ABTB3: variants seen among roughly 807,000 people sequenced by gnomAD.
The protein encoded by ABTB3 is ankyrin repeat and BTB domain containing 3.
the ABTB3 span, among the ~76,000 whole-genome samples, chr12:107,446,039 AC>A: frequency 3.3e-5 from 5 of 151,372 alleles, no homozygotes; most frequent in Non-Finnish European, 1.5e-5. Context: ...CACATCTGCA[AC>A]CCCCTTTTGC....
At chr12:107,320,089 C>A in the ABTB3 span, 11 of 1,434,878 alleles carry the variant, frequency 7.7e-6, no homozygotes, top group South Asian at 1.6e-5. Context: ...AGTGTCTGCG[C>A]GGGTGCCACT....
At chr12:107,628,069 AG>A in the ABTB3 span, among the ~76,000 whole-genome samples, 1 of 152,038 alleles carries the variant, frequency 6.6e-6, no homozygotes, top group East Asian at 1.9e-4. Flanking sequence ...CCACCTTTCC[AG>A]GTGTGCTCAC....
chr12:107,558,415 T>G, the ABTB3 span, among the ~76,000 whole-genome samples: 102 of 152,134 alleles, frequency 6.7e-4, no homozygotes, highest in African/African-American at 2.4e-3. Flanking sequence ...GCTGTAGGAG[T>G]TGATCGGTGC....
At chr12:107,488,971 T>A in the ABTB3 span, among the ~76,000 whole-genome samples, 1 of 152,078 alleles carries the variant, frequency 6.6e-6, no homozygotes, top group African/African-American at 2.4e-5. Flanking sequence ...TTGATTGAAA[T>A]TTAATTATGA....
chr12:107,586,128 G>A, the ABTB3 span, among the ~76,000 whole-genome samples: 1 of 152,148 alleles, frequency 6.6e-6, no homozygotes, highest in Non-Finnish European at 1.5e-5. Flanking sequence ...GGTGTTCGGA[G>A]AGCTCCTCAG....
chr12:107,480,983 G>C, the ABTB3 span, among the ~76,000 whole-genome samples: 1 of 152,200 alleles, frequency 6.6e-6, no homozygotes, highest in South Asian at 2.1e-4. Flanking sequence ...TAAGAACCAA[G>C]TGTTCTCTGG....
the ABTB3 span, among the ~76,000 whole-genome samples, chr12:107,486,050 G>C: frequency 6.6e-6 from 1 of 152,270 alleles, no homozygotes; most frequent in South Asian, 2.1e-4. Flanking sequence ...TTGGTGCTGT[G>C]GTTTGGATGG....
chr12:107,636,134 C>T, the ABTB3 span, among the ~76,000 whole-genome samples: 1 of 152,106 alleles, frequency 6.6e-6, no homozygotes, highest in Non-Finnish European at 1.5e-5. Context: ...AACTTGAACA[C>T]AGGTGTGCCC....
chr12:107,571,523 T>C, the ABTB3 span, among the ~76,000 whole-genome samples: 2 of 152,238 alleles, frequency 1.3e-5, no homozygotes, highest in African/African-American at 4.8e-5. Flanking sequence ...ACCAGGCCCG[T>C]CCCTGCCCTT....
chr12:107,482,610 C>T, the ABTB3 span, among the ~76,000 whole-genome samples: 3 of 152,076 alleles, frequency 2.0e-5, no homozygotes, highest in Non-Finnish European at 4.4e-5. Flanking sequence ...AGTAAATATG[C>T]ATGGGGTGCC....
chr12:107,654,823 C>T, the ABTB3 span, among the ~76,000 whole-genome samples: 7 of 136,400 alleles, frequency 5.1e-5, no homozygotes, highest in East Asian at 9.0e-4. Context: ...TATACACACA[C>T]ACACACACAC....
At chr12:107,483,519 C>T in the ABTB3 span, among the ~76,000 whole-genome samples, 2 of 152,148 alleles carry the variant, frequency 1.3e-5, no homozygotes, top group Non-Finnish European at 2.9e-5. Flanking sequence ...GCCAGTCCCC[C>T]AGCCTTTTTC....
the ABTB3 span, among the ~76,000 whole-genome samples, chr12:107,515,381 A>G: frequency 6.6e-6 from 1 of 152,236 alleles, no homozygotes; most frequent in Non-Finnish European, 1.5e-5. Context: ...CCAGGTCTCG[A>G]GTCTCCTTTG....
chr12:107,519,066 CT>C, the ABTB3 span, among the ~76,000 whole-genome samples: 1 of 152,190 alleles, frequency 6.6e-6, no homozygotes, highest in African/African-American at 2.4e-5. Context: ...CAGTAGGATA[CT>C]TGGTAGGTGT....
chr12:107,635,503 C>A, the ABTB3 span: 2 of 914,406 alleles, frequency 2.2e-6, no homozygotes, highest in African/African-American at 1.6e-5. Flanking sequence ...CAAACAAGGT[C>A]AGTACAGGAG....
the ABTB3 span, among the ~76,000 whole-genome samples, chr12:107,537,872 G>A: frequency 6.6e-6 from 1 of 152,050 alleles, no homozygotes; most frequent in African/African-American, 2.4e-5. Context: ...ACCACTTCCT[G>A]CCAGGCTGTG....
chr12:107,321,478 G>C, the ABTB3 span, among the ~76,000 whole-genome samples: 1 of 152,088 alleles, frequency 6.6e-6, no homozygotes, highest in Non-Finnish European at 1.5e-5. Context: ...GCGGGTGTGT[G>C]TTTGTGTGTG....
chr12:107,651,103 G>T, the ABTB3 span, among the ~76,000 whole-genome samples: 1 of 151,386 alleles, frequency 6.6e-6, no homozygotes, highest in Non-Finnish European at 1.5e-5. Flanking sequence ...CACATCTGTC[G>T]AGCATCTCCG....
chr12:107,610,790 T>C, the ABTB3 span, among the ~76,000 whole-genome samples: 1 of 152,178 alleles, frequency 6.6e-6, no homozygotes, highest in African/African-American at 2.4e-5. Context: ...ACAAAAGTCA[T>C]TCTGGGGACC....
Sources: gnomAD v4.1 joint callset for allele counts (sites outside exome capture counted in the v4.1 genomes callset) on GRCh38, gnomAD v4.1.1 for gene constraint, MANE v1.5 for transcripts, NCBI Gene and HGNC (gene_info 2026-07-23, HGNC 2026-07-21) for gene names.